Variants in SAMD5 observed in about 807,000 individuals in gnomAD.
SAMD5 encodes the protein sterile alpha motif domain-containing protein 5.
Under a neutral mutation model 11.3 loss-of-function variants are expected in SAMD5, and 13 were observed. The observed-to-expected ratio is 1.15, with a 90% CI of 0.75 to 1.83. The LOEUF (loss-of-function observed/expected upper bound fraction) is 1.83. Among genes scored for constraint, SAMD5 ranks in the 40% most tolerant of loss-of-function variants. The probability of loss-of-function intolerance (pLI) is 0.00; values close to 1 mark genes in which losing one functional copy is unlikely to be tolerated. For missense variants in SAMD5, 255 were observed against 239.1 expected, an observed-to-expected ratio of 1.07 and a Z score of -0.44; for synonymous variants, 129 against 111.3, an observed-to-expected ratio of 1.16 and a Z score of -1.00.
intron 1 of SAMD5, among the ~76,000 whole-genome samples, chr6:147,652,593 G>T (rs757453551): frequency 6.6e-6 from 1 of 152,168 alleles, no homozygotes; most frequent in Non-Finnish European, 1.5e-5. Context: ...GACTGGACTG[G>T]CTGGCCAAGT....
intron 1 of SAMD5, among the ~76,000 whole-genome samples, chr6:147,589,043 G>A (rs1789416509): frequency 6.6e-6 from 1 of 151,696 alleles, no homozygotes; most frequent in Non-Finnish European, 1.5e-5. Flanking sequence ...CTGCAGCCTT[G>A]ACCTCCTGGG....
At chr6:147,949,814 A>G in the SAMD5 span, among the ~76,000 whole-genome samples, 1 of 152,304 alleles carries the variant, frequency 6.6e-6, no homozygotes, top group Admixed American at 6.5e-5. Flanking sequence ...ATACTTCCTC[A>G]ACATTAAATT....
At chr6:147,712,615 T>C (rs1484583310) in intron 1 of SAMD5, among the ~76,000 whole-genome samples, 1 of 152,076 alleles carries the variant, frequency 6.6e-6, no homozygotes, top group Admixed American at 6.6e-5. Flanking sequence ...ATCTTGAGGG[T>C]GGCACTCTTT....
chr6:147,737,266 T>C, intron 1 of SAMD5: 1 of 1,120,278 alleles, frequency 8.9e-7, no homozygotes, highest in Admixed American at 3.0e-5. Context: ...TTCACTATGA[T>C]TTCACTGGGC....
At chr6:147,672,186 T>C (rs1173278335) in intron 1 of SAMD5, among the ~76,000 whole-genome samples, 2 of 152,194 alleles carry the variant, frequency 1.3e-5, no homozygotes, top group East Asian at 3.9e-4. Flanking sequence ...TTTGCCATTA[T>C]TGTGAATGGA....
chr6:147,606,599 T>A (rs1789705839), intron 1 of SAMD5, among the ~76,000 whole-genome samples: 1 of 151,596 alleles, frequency 6.6e-6, no homozygotes, highest in Non-Finnish European at 1.5e-5. Context: ...TTAAATAGAG[T>A]CTAGATAGTG....
At chr6:147,927,663 C>T in the SAMD5 span, among the ~76,000 whole-genome samples, 3 of 152,164 alleles carry the variant, frequency 2.0e-5, no homozygotes, top group Non-Finnish European at 4.4e-5. Flanking sequence ...GTATTTCTTT[C>T]TCTTTCCTGA....
chr6:147,944,434 A>T, the SAMD5 span, among the ~76,000 whole-genome samples: 6 of 152,170 alleles, frequency 3.9e-5, no homozygotes, highest in Admixed American at 6.5e-5. Flanking sequence ...ATCAGATCTC[A>T]TGACACTTAT....
intron 1 of SAMD5, among the ~76,000 whole-genome samples, chr6:147,576,227 A>G (rs959513894): frequency 2.7e-5 from 4 of 150,242 alleles, no homozygotes; most frequent in African/African-American, 9.8e-5. Flanking sequence ...TGCAACCTCT[A>G]CCTCCCGGGT....
the SAMD5 span, among the ~76,000 whole-genome samples, chr6:147,767,980 T>C: frequency 6.6e-6 from 1 of 152,088 alleles, no homozygotes; most frequent in South Asian, 2.1e-4. Context: ...GTGGGCATAG[T>C]GGACAAGAAC....
the SAMD5 span, among the ~76,000 whole-genome samples, chr6:147,907,827 A>T: frequency 6.6e-6 from 1 of 152,192 alleles, no homozygotes. Flanking sequence ...TTGTGCTATT[A>T]TTCTCTGTAA....
chr6:147,645,649 G>C (rs1290712659), intron 1 of SAMD5, among the ~76,000 whole-genome samples: 3 of 152,068 alleles, frequency 2.0e-5, no homozygotes, highest in African/African-American at 7.2e-5. Context: ...ATAGGAGCAG[G>C]GTATAAGCTC....
chr6:147,737,223 GGT>G, intron 1 of SAMD5: 1 of 520,092 alleles, frequency 1.9e-6, no homozygotes. Context: ...CCTCGGGAAG[GGT>G]GAGTTTTCAG....
chr6:147,570,114 G>T, downstream of SAMD5: 2 of 694,634 alleles, frequency 2.9e-6, no homozygotes, highest in Non-Finnish European at 3.5e-6. Flanking sequence ...AAATATTTAT[G>T]GTATGCATTA....
At chr6:147,628,147 T>C (rs1393948316) in intron 1 of SAMD5, among the ~76,000 whole-genome samples, 7 of 152,194 alleles carry the variant, frequency 4.6e-5, no homozygotes, top group Admixed American at 3.3e-4. Flanking sequence ...GAAGTTTCTG[T>C]AATCCAGTCA....
At chr6:147,743,137 C>T in the SAMD5 span, 2 of 152,170 alleles carry the variant, frequency 1.3e-5, no homozygotes, top group African/African-American at 2.4e-5. Context: ...GGAATGCTAA[C>T]ACCCAAGCTC....
At chr6:147,912,596 C>T in the SAMD5 span, among the ~76,000 whole-genome samples, 1 of 152,202 alleles carries the variant, frequency 6.6e-6, no homozygotes, top group African/African-American at 2.4e-5. Context: ...ACACCTCCAA[C>T]AATACGAAAG....
the SAMD5 span, among the ~76,000 whole-genome samples, chr6:147,781,422 T>C: frequency 6.6e-6 from 1 of 152,292 alleles, no homozygotes; most frequent in East Asian, 1.9e-4. Flanking sequence ...AAGAGCAAAC[T>C]TTCCTGTTTT....
At chr6:147,894,212 C>G in the SAMD5 span, among the ~76,000 whole-genome samples, 1 of 151,344 alleles carries the variant, frequency 6.6e-6, no homozygotes, top group East Asian at 1.9e-4. Flanking sequence ...CAACCTCCAT[C>G]CCCCAGGTTC....
Sources: gnomAD v4.1 joint callset for allele counts (sites outside exome capture counted in the v4.1 genomes callset) on GRCh38, gnomAD v4.1.1 for gene constraint, MANE v1.5 for transcripts, NCBI Gene and HGNC (gene_info 2026-07-23, HGNC 2026-07-21) for gene names.